The following SIM2 variants were observed in gnomAD, a reference collection of about 807,000 sequenced individuals.
SIM2 encodes the protein SIM bHLH transcription factor 2.
In SIM2, 28 loss-of-function variants were observed where a neutral mutation model predicts 64.8. The ratio of observed to expected loss-of-function variants is 0.43; its 90% CI spans 0.32 to 0.59. The LOEUF is 0.59. SIM2 is among the 20% of genes least tolerant of loss of function. The pLI is 0.07. For synonymous variants in SIM2, 408 were observed against 391.1 expected (o/e 1.04, Z -0.51); for missense variants, 847 against 871.4 (o/e 0.97, Z 0.35).
rs1372680756 is a variant in SIM2, at chr21:36,699,745, C to A, written c.-2C>A. The A allele has an allele frequency of 1.2e-6, 2 of 1,612,224 alleles. No homozygotes were observed. The highest frequency in any genetic ancestry group is 1.7e-6 in the Non-Finnish European group (2 of 1,179,108). ...GTCTAATATGCCCGGAGCCGAGGCG[C>A]GATGAAGGAGAAGTCCAAGAATGCG... On this transcript the variant is annotated 5_prime_UTR_variant, in exon 1 of 11. Transcript: ENST00000290399. This position sits in a 1 kb window ranked among gnomAD's most constrained non-coding sequence, Gnocchi z 5.6.
At position 36,729,778 on chromosome 21, in the gene SIM2, G is replaced by A. The variant is rs146672723; in HGVS notation, c.744-1267G>A. Among the ~76,000 whole-genome samples, 352 of 152,202 alleles carry A rather than the reference G, an allele frequency of 2.3e-3. 1 individual carries two copies. Among genetic ancestry groups the A allele is most frequent in the African/African-American group, 7.9e-3 (330 of 41,522 alleles). Reference sequence around the variant, plus strand: ...CACCTCCTTCGAGGACATGGTGCCCGGCCCCATTGCCCAAAGCCTGGGAAA... The same window carrying A: ...CACCTCCTTCGAGGACATGGTGCCCAGCCCCATTGCCCAAAGCCTGGGAAA... On this transcript the variant is annotated intron_variant, in intron 6 of 10. Coordinates refer to ENST00000290399, the MANE Select transcript of SIM2 (RefSeq NM_005069.6).
In SIM2 at chr21:36,699,947, G is replaced by T; in HGVS notation, c.175+26G>T. 1 of 1,565,468 alleles carries T rather than the reference G, an allele frequency of 6.4e-7. No individual in the cohort carries two copies. Among genetic ancestry groups the T allele is most frequent in the Non-Finnish European group, 8.6e-7 (1 of 1,159,118 alleles). On this transcript the variant is annotated intron_variant, in intron 1 of 10. Coordinates refer to ENST00000290399, the MANE Select transcript of SIM2 (RefSeq NM_005069.6). The surrounding 1 kb of genome is among the most constrained non-coding windows in gnomAD (Gnocchi z 5.6). ...GTGAGGCCTCAGGTGGGCGGCCGGG[G>T]ACGCTGGGGAGCCCGGCGGCCCCGG...
At chr21:36,712,497 T>C (rs1488005419) in intron 2 of SIM2, 36 bp from the exon 3 acceptor site, 1 of 1,388,114 alleles carries the variant, frequency 7.2e-7, no homozygotes, top group South Asian at 1.2e-5. Flanking sequence ...TAATGTAGAA[T>C]GATCATCTCT....
chr21:36,702,203 T>TG (rs899719650), intron 1 of SIM2, among the ~76,000 whole-genome samples: 9 of 152,126 alleles, frequency 5.9e-5, no homozygotes, highest in African/African-American at 1.9e-4. Context: ...GTGGTCCTTC[T>TG]GGGGGTCAGG....
chr21:36,728,830 A>G (rs924744046), intron 6 of SIM2, among the ~76,000 whole-genome samples: 1 of 152,230 alleles, frequency 6.6e-6, no homozygotes, highest in Non-Finnish European at 1.5e-5. Flanking sequence ...AGCGGCCCCA[A>G]GTCACAGGAG....
chr21:36,719,043 T>G (rs1022034974), intron 3 of SIM2, among the ~76,000 whole-genome samples: 11 of 152,184 alleles, frequency 7.2e-5, no homozygotes, highest in Admixed American at 3.9e-4. Flanking sequence ...GTGGGCTGTG[T>G]CTGGAAATAG....
chr21:36,733,121 A>T (rs903375991), intron 7 of SIM2, among the ~76,000 whole-genome samples: 1 of 152,170 alleles, frequency 6.6e-6, no homozygotes, highest in African/African-American at 2.4e-5. Flanking sequence ...GGGGAGTTTA[A>T]AGCATACCCC....
intron 1 of SIM2, among the ~76,000 whole-genome samples, chr21:36,700,170 C>T (rs943002176): frequency 2.6e-5 from 4 of 152,238 alleles, no homozygotes; most frequent in African/African-American, 7.2e-5. Flanking sequence ...ACGAATTGTT[C>T]CAGGGGCAGG....
At position 36,731,051 on chromosome 21, in the gene SIM2, C is replaced by A. The variant is rs572270415; in HGVS notation, c.750C>A (p.Thr250=). 6.2e-7 allele frequency: 1 copy of A among 1,613,466 alleles called. No individual in the cohort carries two copies. Among genetic ancestry groups the A allele is most frequent in the East Asian group, 2.2e-5 (1 of 44,872 alleles). The change falls in exon 7 of 11, where the codon ACC becomes ACA. Residue 250 remains threonine, a synonymous_variant. Coordinates refer to ENST00000290399, the MANE Select transcript of SIM2 (RefSeq NM_005069.6). The part of the protein sequence containing the change: ...LKLIFLDSRV[T]EVTGYEPQDL... ...AGCTGCCATGCCCCCACAGGGTGACCGAGGTGACGGGGTACGAGCCGCAGG... is the reference window on the plus strand; with the variant it reads ...AGCTGCCATGCCCCCACAGGGTGACAGAGGTGACGGGGTACGAGCCGCAGG...
chr21:36,710,537 G>C (rs1213905770), intron 2 of SIM2: 1 of 152,034 alleles, frequency 6.6e-6, no homozygotes, highest in African/African-American at 2.4e-5. Context: ...CTCTGCCATC[G>C]AAAAATGCCT....
chr21:36,743,339 G>A lies in SIM2; in HGVS notation c.999-48G>A, dbSNP rs780104964. 18 of 1,549,918 alleles carry A rather than the reference G, an allele frequency of 1.2e-5. No homozygotes were observed. In the Middle Eastern group the frequency reaches 5.8e-4, roughly 50 times the overall value. On this transcript the variant is annotated intron_variant, in intron 8 of 10. Coordinates refer to ENST00000290399, the MANE Select transcript of SIM2 (RefSeq NM_005069.6). ...AGGGCTGGGGCCAGGGAAGCTGCTCGGCCTCCAGCGCCTGCTGGACATGAC... is the reference window on the plus strand; with the variant it reads ...AGGGCTGGGGCCAGGGAAGCTGCTCAGCCTCCAGCGCCTGCTGGACATGAC...
At chr21:36,708,574 TG>T (rs1316797069) in intron 1 of SIM2, among the ~76,000 whole-genome samples, 1 of 152,052 alleles carries the variant, frequency 6.6e-6, no homozygotes, top group Non-Finnish European at 1.5e-5. Flanking sequence ...GGTTTCGGAT[TG>T]GAAGGAGGAC....
At chr21:36,741,914 C>T in intron 8 of SIM2, 50 bp downstream of exon 8, 1 of 1,488,810 alleles carries the variant, frequency 6.7e-7, no homozygotes, top group East Asian at 2.5e-5. Context: ...CTTCCCTGTC[C>T]CACATCGGAT....
chr21:36,736,412 C>G (rs1214166264), intron 7 of SIM2, among the ~76,000 whole-genome samples: 2 of 152,214 alleles, frequency 1.3e-5, no homozygotes, highest in Non-Finnish European at 2.9e-5. Context: ...GAGGGCCAGA[C>G]AGCCCGATGG....
intron 6 of SIM2, among the ~76,000 whole-genome samples, chr21:36,728,799 C>T (rs576705443): frequency 3.9e-5 from 6 of 152,334 alleles, no homozygotes; most frequent in South Asian, 2.1e-4. Flanking sequence ...AGAAGCCAGA[C>T]GAGGGCTTTG....
chr21:36,739,756 A>G (rs1008439605), intron 7 of SIM2, among the ~76,000 whole-genome samples: 2 of 152,158 alleles, frequency 1.3e-5, no homozygotes, highest in Non-Finnish European at 2.9e-5. Flanking sequence ...GCCGTGGCTC[A>G]CACCTGCAAT....
chr21:36,699,609 C>T lies in SIM2; in HGVS notation c.-138C>T. On this transcript the variant is annotated 5_prime_UTR_variant, in exon 1 of 11. Transcript: ENST00000290399. The surrounding 1 kb of genome is among the most constrained non-coding windows in gnomAD (Gnocchi z 5.6). ...GGCGTCTCGGAACCCCGGGAGGCCC[C>T]CCGCACCTGCCCGCGGCCCACTCCG... The T allele has an allele frequency of 1.1e-6, 1 of 937,804 alleles. No homozygotes were observed. Among genetic ancestry groups the T allele is most frequent in the South Asian group, 2.0e-5 (1 of 51,202 alleles). The allele number at this position is 937,804 out of a possible 1,614,324, so 58.1% of individuals were successfully genotyped here. A position where few individuals can be genotyped will look rare whatever the true frequency, so the allele number is the denominator to read the frequency against.
In SIM2 at chr21:36,745,609, G is replaced by A. The variant is rs2089219374; in HGVS notation, c.1576+473G>A. ...TATGGTGGAAATTTGTGGGCTTGGG[G>A]ACAGAAATGCCACTCACCAACCCAG... On this transcript the variant is annotated intron_variant, in intron 10 of 10. Coordinates refer to ENST00000290399, the MANE Select transcript of SIM2 (RefSeq NM_005069.6). This position sits in a 1 kb window ranked among gnomAD's most constrained non-coding sequence, Gnocchi z 4.8. The A allele has an allele frequency of 1.8e-6, 2 of 1,125,864 alleles. No individual in the cohort carries two copies. Among genetic ancestry groups the A allele is most frequent in the Non-Finnish European group, 2.2e-6 (2 of 905,244 alleles). The allele number at this position is 1,125,864 out of a possible 1,614,324, so 69.7% of individuals were successfully genotyped here. A position where few individuals can be genotyped will look rare whatever the true frequency, so the allele number is the denominator to read the frequency against.
At chr21:36,733,799 G>A (rs1269343901) in intron 7 of SIM2, among the ~76,000 whole-genome samples, 8 of 151,998 alleles carry the variant, frequency 5.3e-5, no homozygotes, top group Admixed American at 5.2e-4. Context: ...CTGACCTCGT[G>A]ATCCGCCCGC....
Sources: allele counts gnomAD v4.1 joint callset (sites outside exome capture counted in the v4.1 genomes callset), GRCh38; gene constraint gnomAD v4.1.1; non-coding constraint Gnocchi (gnomAD v3.1); transcripts MANE v1.5; gene names NCBI Gene and HGNC (gene_info 2026-07-23, HGNC 2026-07-21).